The following ARG2 variants were observed in gnomAD, a reference collection of about 807,000 sequenced individuals.
ARG2 encodes the protein arginase-2, mitochondrial.
Under a neutral mutation model 39.4 loss-of-function variants are expected in ARG2, and 21 were observed. That is an observed-to-expected ratio of 0.53 (90% CI 0.38 to 0.77). The LOEUF (loss-of-function observed/expected upper bound fraction) is 0.77, where lower values mean the gene tolerates loss of function less well. ARG2 is among the 30% of genes least tolerant of loss of function. The pLI, the probability that ARG2 is intolerant of heterozygous loss-of-function variation, is 0.00. For synonymous variants in ARG2, 150 were observed against 156.7 expected (o/e 0.96, Z 0.32); for missense variants, 378 against 426.2 (o/e 0.89, Z 1.00).
At chr14:67,647,543 G>A (rs2037115983) in intron 6 of ARG2, 1 of 155,488 alleles carries the variant, frequency 6.4e-6, no homozygotes, top group African/African-American at 2.4e-5. Context: ...TGGACACTGG[G>A]GCTATAATGA....
chr14:67,642,215 A>G lies in ARG2; in HGVS notation c.214A>G (p.Ser72Gly), dbSNP rs1376636563. 3.1e-6 allele frequency: 5 copies of G among 1,614,070 alleles called. No homozygotes were observed. Among genetic ancestry groups the G allele is most frequent in the Non-Finnish European group, 4.2e-6 (5 of 1,179,970 alleles). The change falls in exon 3 of 8, where the codon AGT becomes GGT. Residue 72 changes from serine (S) to glycine (G), a missense_variant. Ser to Gly is a moderately conservative substitution (Grantham distance 56). Transcript: ENST00000261783. Reference protein sequence around the residue: ...GCHLKDFGDLSFTPVPKDDLY... With the variant: ...GCHLKDFGDLGFTPVPKDDLY... ...CCACCTAAAAGACTTTGGAGATTTG[A>G]GTTTTACTCCAGTCCCCAAAGATGA...
chr14:67,620,221 G>T, intron 1 of ARG2, 133 bp downstream of exon 1: 1 of 492,322 alleles, frequency 2.0e-6, no homozygotes, highest in Non-Finnish European at 3.5e-6. Flanking sequence ...GAGCTGGCCG[G>T]TTCCCGCTAC....
chr14:67,632,808 A>ATTTTTTTTT (rs55642854), intron 2 of ARG2, among the ~76,000 whole-genome samples: 3 of 62,358 alleles, frequency 4.8e-5, no homozygotes, highest in Admixed American at 2.8e-4. Context: ...AAGCCTCTTA[A>ATTTTTTTTT]TTTTTTTTTT....
intron 2 of ARG2, among the ~76,000 whole-genome samples, chr14:67,622,505 C>T (rs988413432): frequency 6.6e-6 from 1 of 152,186 alleles, no homozygotes; most frequent in African/African-American, 2.4e-5. Flanking sequence ...CTCTCTTAGT[C>T]ATTTTAATAA....
chr14:67,627,527 G>A (rs570063493), intron 2 of ARG2, among the ~76,000 whole-genome samples: 1 of 152,130 alleles, frequency 6.6e-6, no homozygotes, highest in African/African-American at 2.4e-5. Flanking sequence ...TCATATCTTT[G>A]GGACAAGAAT....
intron 3 of ARG2, 72 bp from the exon 4 acceptor site, chr14:67,645,571 T>C (rs1440619769): frequency 4.6e-6 from 7 of 1,535,216 alleles, no homozygotes; most frequent in Non-Finnish European, 6.2e-6. Context: ...TAAGTTGTTT[T>C]GGCTGAGGAC....
chr14:67,625,747 AAG>A (rs1366643623), intron 2 of ARG2, among the ~76,000 whole-genome samples: 1 of 150,476 alleles, frequency 6.6e-6, no homozygotes, highest in Non-Finnish European at 1.5e-5. Context: ...AAAAAAAAAA[AAG>A]AGAAAAGGTA....
intron 2 of ARG2, among the ~76,000 whole-genome samples, chr14:67,635,170 A>T (rs552082129): frequency 6.6e-6 from 1 of 152,200 alleles, no homozygotes; most frequent in East Asian, 1.9e-4. Flanking sequence ...CTTGAGCCTG[A>T]GAGGTTGAGG....
chr14:67,645,476 A>G (rs2037085674), intron 3 of ARG2, among the ~76,000 whole-genome samples, 167 bp from the exon 4 acceptor site: 2 of 152,308 alleles, frequency 1.3e-5, no homozygotes, highest in East Asian at 3.9e-4. Flanking sequence ...ACTCAAGATT[A>G]ATTTTTGAGA....
chr14:67,644,444 C>A (rs8006873), intron 3 of ARG2, among the ~76,000 whole-genome samples: 1,729 of 152,284 alleles, frequency 0.011, 13 homozygotes, highest in Non-Finnish European at 0.017. Context: ...TTTCACTAGA[C>A]CATGCTATTC....
At chr14:67,649,487 G>T (rs1180752559) in intron 7 of ARG2, 1 of 152,072 alleles carries the variant, frequency 6.6e-6, no homozygotes, top group Non-Finnish European at 1.5e-5. Context: ...TTATAGGGTG[G>T]CAATAGTCTG....
chr14:67,620,767 A>AGTCATTGATGGAAGGGCT, intron 1 of ARG2, 127 bp from the exon 2 acceptor site: 1 of 826,192 alleles, frequency 1.2e-6, no homozygotes, highest in Non-Finnish European at 2.0e-6. Context: ...TTGGAAGGAC[A>AGTCATTGATGGAAGGGCT]GTCATTGATG....
chr14:67,620,507 C>A (rs2036798293), intron 1 of ARG2, among the ~76,000 whole-genome samples: 1 of 152,136 alleles, frequency 6.6e-6, no homozygotes, highest in African/African-American at 2.4e-5. Flanking sequence ...TCTTCTGGAT[C>A]CATTCACTCA....
intron 2 of ARG2, among the ~76,000 whole-genome samples, chr14:67,628,797 C>T (rs191677316): frequency 1.3e-5 from 2 of 152,292 alleles, no homozygotes; most frequent in Admixed American, 1.3e-4. Flanking sequence ...TAAAATGGAG[C>T]TGCTATGGAA....
chr14:67,646,434 G>A, intron 4 of ARG2: 1 of 528,762 alleles, frequency 1.9e-6, no homozygotes, highest in Non-Finnish European at 3.4e-6. Context: ...TTCGTCTTGA[G>A]AAAGCAATAC....
intron 3 of ARG2, 22 bp downstream of exon 3, chr14:67,642,385 G>A: frequency 6.2e-7 from 1 of 1,612,214 alleles, no homozygotes; most frequent in Non-Finnish European, 8.5e-7. Context: ...GCCAGGCGTG[G>A]TGAGGGGATG....
At chr14:67,625,890 A>C (rs1427124788) in intron 2 of ARG2, among the ~76,000 whole-genome samples, 1 of 152,202 alleles carries the variant, frequency 6.6e-6, no homozygotes, top group Non-Finnish European at 1.5e-5. Context: ...AATAGATTTA[A>C]TTAGCCACTT....
chr14:67,622,476 G>T (rs1306859870), intron 2 of ARG2, among the ~76,000 whole-genome samples: 1 of 152,162 alleles, frequency 6.6e-6, no homozygotes, highest in African/African-American at 2.4e-5. Flanking sequence ...AATAATTGCA[G>T]TTTCTTCTTT....
intron 7 of ARG2, 81 bp downstream of exon 7, chr14:67,648,264 G>A: frequency 1.4e-6 from 2 of 1,472,456 alleles, no homozygotes; most frequent in Non-Finnish European, 1.8e-6. Flanking sequence ...GATCTTTTCT[G>A]CTATTCCACA....
Sources: gnomAD v4.1 joint callset for allele counts (sites outside exome capture counted in the v4.1 genomes callset) on GRCh38, gnomAD v4.1.1 for gene constraint, MANE v1.5 for transcripts, NCBI Gene and HGNC (gene_info 2026-07-23, HGNC 2026-07-21) for gene names.